TOX: variants seen among roughly 807,000 people sequenced by gnomAD.
TOX encodes the protein thymocyte selection-associated high mobility group box protein TOX.
A neutral mutation model predicts 53.7 loss-of-function variants in TOX; 11 were observed. The observed-to-expected ratio is 0.20, with a 90% confidence interval of 0.13 to 0.34. The LOEUF (loss-of-function observed/expected upper bound fraction) is 0.34. TOX is among the 10% of genes least tolerant of loss of function. The pLI is 1.00. For missense variants in TOX, 570 were observed against 664.6 expected (o/e 0.86, Z 1.56); for synonymous variants, 225 against 245.3 (o/e 0.92, Z 0.77).
rs1420182189 is a variant in TOX, at chr8:59,118,662, C to A, written c.102+224G>T. Reference sequence around the variant, plus strand: ...CGCGAACAGCAGGAAGGAAAGAATCCGAGCAAATCGTGTCACTTTCCGCAC... The same window carrying A: ...CGCGAACAGCAGGAAGGAAAGAATCAGAGCAAATCGTGTCACTTTCCGCAC... On this transcript the variant is annotated intron_variant, in intron 1 of 8. Transcript: ENST00000361421. The surrounding 1 kb of genome is among the most constrained non-coding windows in gnomAD (Gnocchi z 4.1). 6.6e-6 allele frequency among the ~76,000 whole-genome samples: 1 copy of A among 152,170 alleles called. No individual in the cohort carries two copies. Among genetic ancestry groups the A allele is most frequent in the Non-Finnish European group, 1.5e-5 (1 of 68,028 alleles).
At chr8:58,877,479 T>C (rs891363102) in intron 3 of TOX, among the ~76,000 whole-genome samples, 1 of 152,238 alleles carries the variant, frequency 6.6e-6, no homozygotes, top group African/African-American at 2.4e-5. Flanking sequence ...TTAGAATAAA[T>C]GTATTCACTT....
intron 7 of TOX, among the ~76,000 whole-genome samples, chr8:58,812,928 C>T (rs1357244337): frequency 2.6e-5 from 4 of 152,216 alleles, no homozygotes; most frequent in Non-Finnish European, 4.4e-5. Flanking sequence ...CACTACTCAA[C>T]AATTATTTTG....
intron 5 of TOX, among the ~76,000 whole-genome samples, chr8:58,832,144 A>G (rs1374638065): frequency 6.9e-6 from 1 of 144,538 alleles, no homozygotes; most frequent in East Asian, 2.0e-4. Context: ...TATATAATAT[A>G]TGTAATATAT....
At position 59,116,214 on chromosome 8, in the gene TOX, A is replaced by G. The variant is rs1177011316; in HGVS notation, c.102+2672T>C. On this transcript the variant is annotated intron_variant, in intron 1 of 8. Coordinates refer to ENST00000361421, the MANE Select transcript of TOX (RefSeq NM_014729.3). ...AGGTTTAAAATAAAGATAATTAGTAATTTATGATCTTATCACCCTATTAAA... is the reference window on the plus strand; with the variant it reads ...AGGTTTAAAATAAAGATAATTAGTAGTTTATGATCTTATCACCCTATTAAA... 2.6e-5 allele frequency among the ~76,000 whole-genome samples: 4 copies of G among 152,214 alleles called. No individual in the cohort carries two copies. In the East Asian group the frequency reaches 7.7e-4, roughly 29 times the overall value.
chr8:58,910,936 C>T (rs149811044), intron 3 of TOX, among the ~76,000 whole-genome samples: 14 of 152,212 alleles, frequency 9.2e-5, no homozygotes, highest in Admixed American at 2.0e-4. Context: ...ACATGCACCT[C>T]GGATAACCAA....
chr8:59,052,129 TTTCTC>T (rs1224550992), intron 1 of TOX, among the ~76,000 whole-genome samples: 1 of 152,186 alleles, frequency 6.6e-6, no homozygotes, highest in African/African-American at 2.4e-5. Flanking sequence ...CCATAACACT[TTTCTC>T]TTACCTACTT....
intron 1 of TOX, among the ~76,000 whole-genome samples, chr8:58,983,370 T>TG (rs1251843951): frequency 1.3e-5 from 2 of 152,210 alleles, no homozygotes; most frequent in Admixed American, 6.5e-5. Context: ...TCTCAGGTAA[T>TG]GTTGATGCTG....
At chr8:58,971,352 T>G (rs1812999056) in intron 1 of TOX, among the ~76,000 whole-genome samples, 1 of 152,188 alleles carries the variant, frequency 6.6e-6, no homozygotes. Flanking sequence ...TGAGGACAGA[T>G]TCTATCATGG....
intron 1 of TOX, among the ~76,000 whole-genome samples, chr8:58,969,616 T>C (rs560337552): frequency 6.6e-6 from 1 of 152,354 alleles, no homozygotes; most frequent in African/African-American, 2.4e-5. Context: ...ACACATAAGA[T>C]GTCCCCTTCA....
intron 1 of TOX, among the ~76,000 whole-genome samples, chr8:58,991,133 C>T (rs1030583221): frequency 2.0e-5 from 3 of 152,194 alleles, no homozygotes; most frequent in Non-Finnish European, 4.4e-5. Context: ...ACATTGTCAC[C>T]ACTACCCCAT....
chr8:58,873,958 C>CTTTTGTTTTTTTTTTTTTTTTT (rs1811239915), intron 3 of TOX, among the ~76,000 whole-genome samples: 1 of 40,128 alleles, frequency 2.5e-5, no homozygotes, highest in Non-Finnish European at 3.9e-5. Context: ...TGCCAGGAAG[C>CTTTTGTTTTTTTTTTTTTTTTT]TTTTTTTTTT....
chr8:58,951,486 A>T (rs1812620108), intron 2 of TOX, among the ~76,000 whole-genome samples: 1 of 152,170 alleles, frequency 6.6e-6, no homozygotes, highest in Non-Finnish European at 1.5e-5. Flanking sequence ...AGAAATAAAA[A>T]AAAAACTTTG....
At chr8:58,861,286 C>T (rs1298929392) in intron 3 of TOX, among the ~76,000 whole-genome samples, 1 of 152,168 alleles carries the variant, frequency 6.6e-6, no homozygotes, top group Non-Finnish European at 1.5e-5. Context: ...ATCATGTGGT[C>T]CACCCTCTGA....
At chr8:58,989,467 C>G (rs1363295072) in intron 1 of TOX, among the ~76,000 whole-genome samples, 1 of 152,172 alleles carries the variant, frequency 6.6e-6, no homozygotes, top group Non-Finnish European at 1.5e-5. Flanking sequence ...GTGCATTCCT[C>G]TGTCCGGTGA....
At chr8:59,101,633 C>T (rs772705818) in intron 1 of TOX, among the ~76,000 whole-genome samples, 4 of 152,058 alleles carry the variant, frequency 2.6e-5, no homozygotes, top group East Asian at 1.9e-4. Flanking sequence ...AAATCTAAAA[C>T]GCTTATTTTT....
intron 1 of TOX, among the ~76,000 whole-genome samples, chr8:59,042,213 G>T (rs1034851193): frequency 1.3e-5 from 2 of 152,206 alleles, no homozygotes; most frequent in Non-Finnish European, 2.9e-5. Context: ...TGCACTGCAT[G>T]TCAAGGAGCC....
intron 3 of TOX, among the ~76,000 whole-genome samples, chr8:58,889,212 C>CAAAAAAAAAAA (rs10556451): frequency 8.7e-6 from 1 of 114,436 alleles, no homozygotes; most frequent in East Asian, 2.9e-4. Context: ...TTTACAATAG[C>CAAAAAAAAAAA]AAAAAAAAAA....
rs565621512 is a variant in TOX, at chr8:59,066,641, G to A, written c.102+52245C>T. Among the ~76,000 whole-genome samples the A allele has an allele frequency of 5.3e-5, 8 of 152,156 alleles. No homozygotes were observed. In the East Asian group the frequency reaches 7.7e-4, roughly 15 times the overall value. On this transcript the variant is annotated intron_variant, in intron 1 of 8. Transcript: ENST00000361421. Reference sequence around the variant, plus strand: ...CCCACAAATTCTTTGCATTCAAAACGTCCCCAAAATTCTTTCAGTTACAAT... The same window carrying A: ...CCCACAAATTCTTTGCATTCAAAACATCCCCAAAATTCTTTCAGTTACAAT...
At chr8:59,002,193 T>G (rs1275375906) in intron 1 of TOX, among the ~76,000 whole-genome samples, 2 of 148,434 alleles carry the variant, frequency 1.3e-5, no homozygotes, top group Non-Finnish European at 3.0e-5. Flanking sequence ...AGGCTGGTTT[T>G]AAACTCCTGA....
Sources: allele counts gnomAD v4.1 joint callset (sites outside exome capture counted in the v4.1 genomes callset), GRCh38; gene constraint gnomAD v4.1.1; non-coding constraint Gnocchi (gnomAD v3.1); transcripts MANE v1.5; gene names NCBI Gene and HGNC (gene_info 2026-07-23, HGNC 2026-07-21).